Variants in PCDH15 observed in about 807,000 individuals in gnomAD.
PCDH15 encodes protocadherin related 15.
Under a neutral mutation model 178.5 loss-of-function variants are expected in PCDH15, and 129 were observed. The ratio of observed to expected loss-of-function variants is 0.72; its 90% CI spans 0.63 to 0.84. The LOEUF is 0.84. Ranked by LOEUF, PCDH15 falls within the 40% of genes least tolerant of loss-of-function variation. The pLI is 0.00. For synonymous variants in PCDH15, 800 were observed against 732.0 expected, an observed-to-expected ratio of 1.09 and a Z score of -1.50; for missense variants, 2,230 against 2,099.9, an observed-to-expected ratio of 1.06 and a Z score of -1.21.
chr10:55,349,520 A>G (rs1468215936), intron 2 of PCDH15, among the ~76,000 whole-genome samples: 1 of 152,066 alleles, frequency 6.6e-6, no homozygotes, highest in Admixed American at 6.6e-5. Context: ...ATACATCAAT[A>G]GATTTTGGAT....
intron 13 of PCDH15, among the ~76,000 whole-genome samples, chr10:54,158,614 G>A (rs1564559706): frequency 6.6e-6 from 1 of 151,914 alleles, no homozygotes; most frequent in Non-Finnish European, 1.5e-5. Flanking sequence ...TCCTGGTTCT[G>A]ATAAAAAAAA....
At chr10:54,268,679 T>C (rs1264187109) in intron 8 of PCDH15, among the ~76,000 whole-genome samples, 1 of 151,910 alleles carries the variant, frequency 6.6e-6, no homozygotes, top group Non-Finnish European at 1.5e-5. Context: ...CTTTAAGATA[T>C]GTCACTGCTT....
chr10:55,105,796 A>G (rs1591907337), intron 2 of PCDH15, among the ~76,000 whole-genome samples: 1 of 152,126 alleles, frequency 6.6e-6, no homozygotes, highest in South Asian at 2.1e-4. Context: ...TGGATAATGT[A>G]TGGTAGTTAG....
chr10:54,484,337 A>T (rs186018036), intron 3 of PCDH15, among the ~76,000 whole-genome samples: 62 of 152,038 alleles, frequency 4.1e-4, no homozygotes, highest in African/African-American at 1.3e-3. Flanking sequence ...TCATGCACTC[A>T]AGGGACTCAC....
chr10:54,757,188 A>C (rs551584512), intron 1 of PCDH15, among the ~76,000 whole-genome samples: 1 of 151,914 alleles, frequency 6.6e-6, no homozygotes, highest in African/African-American at 2.4e-5. Flanking sequence ...AACTGTCCTT[A>C]TTAGAAACAT....
chr10:54,976,776 T>G (rs545002350), intron 2 of PCDH15, among the ~76,000 whole-genome samples: 1 of 152,276 alleles, frequency 6.6e-6, no homozygotes, highest in South Asian at 2.1e-4. Context: ...ATAATTCTAA[T>G]TTTGTTTACT....
chr10:55,416,289 G>A (rs1444631661), intron 2 of PCDH15, among the ~76,000 whole-genome samples: 1 of 151,674 alleles, frequency 6.6e-6, no homozygotes, highest in African/African-American at 2.4e-5. Context: ...CCTGGTTATC[G>A]GAACTTAAGC....
chr10:54,603,226 T>C lies in PCDH15; in HGVS notation c.91+60946A>G, dbSNP rs556880877. 3.3e-5 allele frequency among the ~76,000 whole-genome samples: 5 copies of C among 152,086 alleles called. No individual in the cohort carries two copies. In the East Asian group the frequency reaches 7.8e-4, roughly 24 times the overall value. On this transcript the variant is annotated intron_variant, in intron 2 of 37. Transcript: ENST00000644397. ...TTTATTTCTGAGACATCTGTTGTAATGTTTCCTCTTTCATATACAGTTTTA... is the reference window on the plus strand; with the variant it reads ...TTTATTTCTGAGACATCTGTTGTAACGTTTCCTCTTTCATATACAGTTTTA...
intron 2 of PCDH15, among the ~76,000 whole-genome samples, chr10:54,635,377 CTCATA>C (rs1448810570): frequency 8.1e-6 from 1 of 122,956 alleles, no homozygotes; most frequent in African/African-American, 2.6e-5. Flanking sequence ...CTTAATTCAT[CTCATA>C]TATGTATATA....
At chr10:55,056,103 A>T (rs16906880) in intron 2 of PCDH15, among the ~76,000 whole-genome samples, 1,795 of 152,294 alleles carry the variant, frequency 0.012, 34 homozygotes, top group African/African-American at 0.041. Flanking sequence ...TACCATCTAA[A>T]TTCCGCATAC....
chr10:54,873,096 A>G (rs1564590349), intron 3 of PCDH15, among the ~76,000 whole-genome samples: 1 of 152,186 alleles, frequency 6.6e-6, no homozygotes, highest in Non-Finnish European at 1.5e-5. Flanking sequence ...TCTCAAACAA[A>G]TAGTAAATTT....
chr10:53,984,178 C>T (rs2090930710), intron 21 of PCDH15, among the ~76,000 whole-genome samples: 1 of 101,176 alleles, frequency 9.9e-6, no homozygotes. Context: ...GAGGCAGAGT[C>T]TTGCTCTGTC....
chr10:55,054,999 T>G (rs1392482772), intron 2 of PCDH15, among the ~76,000 whole-genome samples: 1 of 152,230 alleles, frequency 6.6e-6, no homozygotes, highest in Non-Finnish European at 1.5e-5. Context: ...TCTTTTGCTT[T>G]GCAGAAGCTG....
At chr10:54,152,803 C>A (rs1256913157) in intron 14 of PCDH15, among the ~76,000 whole-genome samples, 1 of 151,900 alleles carries the variant, frequency 6.6e-6, no homozygotes, top group Non-Finnish European at 1.5e-5. Flanking sequence ...GACTTTGAAA[C>A]CCTGAGACAT....
At position 54,997,879 on chromosome 10, in the gene PCDH15, G is replaced by A. The variant is rs112123874; in HGVS notation, c.-79-100379C>T. On this transcript the variant is annotated intron_variant, in intron 2 of 5. Transcript: ENST00000458638. ...AGAATATAAAAACAAAATTATTTTA[G>A]ACGCTCCTTTGATGTCTGGGTCATT... is the stretch of plus-strand genomic sequence containing the variant. Among the ~76,000 whole-genome samples the A allele has an allele frequency of 1.3e-3, 205 of 152,224 alleles. 1 individual carries two copies. The highest frequency in any genetic ancestry group is 4.7e-3 in the African/African-American group (197 of 41,570).
chr10:55,306,326 T>C (rs1843424527), intron 1 of PCDH15, among the ~76,000 whole-genome samples: 1 of 152,246 alleles, frequency 6.6e-6, no homozygotes, highest in South Asian at 2.1e-4. Context: ...CCAACTGAAA[T>C]GTTTTACACT....
intron 2 of PCDH15, among the ~76,000 whole-genome samples, chr10:54,603,329 A>G (rs1454554685): frequency 6.6e-6 from 1 of 151,318 alleles, no homozygotes; most frequent in Non-Finnish European, 1.5e-5. Context: ...TCAAAACACA[A>G]CTCAGTTTTG....
rs185478234 is a variant in PCDH15, at chr10:53,848,755, C to T, written c.3807-8259G>A. Among the ~76,000 whole-genome samples, 10 of 152,078 alleles carry T rather than the reference C, an allele frequency of 6.6e-5. No homozygotes were observed. In the East Asian group the frequency reaches 9.6e-4, roughly 15 times the overall value. ...ACAATTCAAAGATTCAGTTAATATA[C>T]GGGTACCTTCATTACGATGATTCAT... On this transcript the variant is annotated intron_variant, in intron 28 of 37. Coordinates refer to ENST00000644397, the MANE Select transcript of PCDH15 (RefSeq NM_001384140.1).
chr10:54,650,174 A>T (rs139067321), intron 2 of PCDH15, among the ~76,000 whole-genome samples: 12 of 152,288 alleles, frequency 7.9e-5, no homozygotes, highest in African/African-American at 2.9e-4. Flanking sequence ...TAATAAGTAG[A>T]ATTTTAGTAA....
Sources: gnomAD v4.1 joint callset for allele counts (sites outside exome capture counted in the v4.1 genomes callset) on GRCh38, gnomAD v4.1.1 for gene constraint, MANE v1.5 for transcripts, NCBI Gene and HGNC (gene_info 2026-07-23, HGNC 2026-07-21) for gene names.